TDRD7: variants seen among roughly 807,000 people sequenced by gnomAD.
The protein encoded by TDRD7 is tudor domain-containing protein 7.
A neutral mutation model predicts 109.8 loss-of-function variants in TDRD7; 47 were observed. The observed-to-expected ratio is 0.43, with a 90% CI of 0.34 to 0.55. TDRD7 has a LOEUF of 0.55. Among genes scored for constraint, TDRD7 ranks in the 20% least tolerant of loss-of-function variants. TDRD7 has a pLI of 0.03. For missense variants in TDRD7, 1,164 were observed against 1,319.2 expected, an observed-to-expected ratio of 0.88 and a Z score of 1.82; for synonymous variants, 424 against 457.3, an observed-to-expected ratio of 0.93 and a Z score of 0.93.
intron 6 of TDRD7, among the ~76,000 whole-genome samples, chr9:97,451,706 GT>G (rs1399261513): frequency 6.6e-6 from 1 of 152,254 alleles, no homozygotes; most frequent in Admixed American, 6.5e-5. Context: ...GTGGTCAGAA[GT>G]TCCAGAGCCG....
intron 14 of TDRD7, 149 bp downstream of exon 14, chr9:97,481,087 G>C: frequency 1.4e-6 from 1 of 717,626 alleles, no homozygotes; most frequent in South Asian, 1.5e-5. Context: ...TTGGCTACAT[G>C]TGTAGCTGTA....
chr9:97,487,153 T>C lies in TDRD7; in HGVS notation c.2916-19T>C, dbSNP rs199887323. 138 of 1,613,772 alleles carry C rather than the reference T, an allele frequency of 8.6e-5. 1 individual carries two copies. The African/African-American group carries it at 1.7e-3, about 20-fold the overall frequency. ...AGTTTATGTGTTTTCTCTTCCTTTT[T>C]AATTTAATGTACATCTAGGTGGCAC... is the stretch of plus-strand genomic sequence containing the variant. On this transcript the variant is annotated intron_variant, in intron 15 of 16. Transcript: ENST00000355295.
chr9:97,441,705 T>C lies in TDRD7; in HGVS notation c.685T>C (p.Ser229Pro), dbSNP rs1027320837. Residue 229 changes from serine (S) to proline (P), a missense_variant, in exon 6 of 17, where the codon TCT (serine) becomes CCT (proline). Coordinates refer to ENST00000355295, the MANE Select transcript of TDRD7 (RefSeq NM_014290.3). ...AAAACCCAATGTCAAGCCTCCTGCCTCTTACACTTATAAAATGGATGAGGT... is the reference window on the plus strand; with the variant it reads ...AAAACCCAATGTCAAGCCTCCTGCCCCTTACACTTATAAAATGGATGAGGT... ...VEKPNVKPPA[S>P]YTYKMDEVQN... is the part of the protein sequence containing the mutation. 1.1e-5 allele frequency: 18 copies of C among 1,613,286 alleles called. No homozygotes were observed. Among genetic ancestry groups the C allele is most frequent in the Non-Finnish European group, 1.5e-5 (18 of 1,179,892 alleles).
Position 97,455,627 on chromosome 9 carries a change from C to T in TDRD7, c.856-4551C>T, listed in dbSNP as rs183473903. On this transcript the variant is annotated intron_variant, in intron 6 of 16. Coordinates refer to ENST00000355295, the MANE Select transcript of TDRD7 (RefSeq NM_014290.3). Reference sequence around the variant, plus strand: ...AGGCCTTTGATAAAATTCAGTATCCCTCCATGTTAAAAACTCTGAATAAAC... The same window carrying T: ...AGGCCTTTGATAAAATTCAGTATCCTTCCATGTTAAAAACTCTGAATAAAC... Among the ~76,000 whole-genome samples the T allele has an allele frequency of 8.3e-4, 127 of 152,332 alleles. 1 individual carries two copies. Among genetic ancestry groups the T allele is most frequent in the Admixed American group, 5.2e-3 (80 of 15,304 alleles).
intron 5 of TDRD7, among the ~76,000 whole-genome samples, chr9:97,441,022 G>A (rs1385861890): frequency 6.6e-6 from 1 of 152,056 alleles, no homozygotes; most frequent in Non-Finnish European, 1.5e-5. Flanking sequence ...ATTGATATTG[G>A]GGAAATAAAA....
At chr9:97,426,816 A>G (rs944546869) in intron 1 of TDRD7, among the ~76,000 whole-genome samples, 4 of 152,232 alleles carry the variant, frequency 2.6e-5, no homozygotes, top group African/African-American at 9.6e-5. Flanking sequence ...ATAGCAGGAC[A>G]AACAGGCTGA....
Position 97,412,272 on chromosome 9 carries a change from A to C in TDRD7, c.-7+34A>C, listed in dbSNP as rs1827728452. On this transcript the variant is annotated intron_variant, in intron 1 of 16. Coordinates refer to ENST00000355295, the MANE Select transcript of TDRD7 (RefSeq NM_014290.3). This position sits in a 1 kb window ranked among gnomAD's most constrained non-coding sequence, Gnocchi z 4.3. ...AGGTCCTGCGGGCTCCGGGCGCGACAGGTGCCGGGCGACGTCGGACGAGAT... is the reference window on the plus strand; with the variant it reads ...AGGTCCTGCGGGCTCCGGGCGCGACCGGTGCCGGGCGACGTCGGACGAGAT... 6.6e-6 allele frequency: 1 copy of C among 152,300 alleles called. No individual in the cohort carries two copies. The highest frequency in any genetic ancestry group is 6.5e-5 in the Admixed American group (1 of 15,272). 9.4% of individuals were successfully genotyped at this position (152,300 alleles called of 1,614,324 possible).
chr9:97,439,222 T>C (rs746834103), intron 4 of TDRD7, 23 bp from the exon 5 acceptor site: 2 of 432,748 alleles, frequency 4.6e-6, no homozygotes, highest in Non-Finnish European at 6.8e-6. Context: ...TTTATTTTAC[T>C]TTTTTTTTTT....
chr9:97,441,925 T>C (rs1271009664), intron 6 of TDRD7, 50 bp downstream of exon 6: 1 of 1,461,132 alleles, frequency 6.8e-7, no homozygotes, highest in African/African-American at 1.4e-5. Flanking sequence ...CTGCCCAACT[T>C]TGAGATCTTG....
intron 6 of TDRD7, among the ~76,000 whole-genome samples, chr9:97,445,080 C>G (rs1289032616): frequency 6.6e-6 from 1 of 152,216 alleles, no homozygotes; most frequent in African/African-American, 2.4e-5. Context: ...AATGAGCCAG[C>G]TCCAAGGTAT....
At chr9:97,446,234 AATATCTGTCTCCCATG>A in intron 6 of TDRD7, among the ~76,000 whole-genome samples, 1 of 152,172 alleles carries the variant, frequency 6.6e-6, no homozygotes, top group Non-Finnish European at 1.5e-5. Flanking sequence ...CATTAGCCAG[AATATCTGTCTCCCATG>A]TCTTGCCTGA....
chr9:97,488,560 G>GTTTTTTTTT (rs61689126), intron 16 of TDRD7, among the ~76,000 whole-genome samples: 5 of 140,594 alleles, frequency 3.6e-5, no homozygotes, highest in Non-Finnish European at 6.1e-5. Flanking sequence ...AGATTTAATG[G>GTTTTTTTTT]TTTTTTTTTT....
chr9:97,448,772 T>C lies in TDRD7; in HGVS notation c.855+6897T>C, dbSNP rs10982140. Among the ~76,000 whole-genome samples the C allele has an allele frequency of 7.8e-3, 1,190 of 152,282 alleles. 41 individuals carry two copies. The highest frequency in any genetic ancestry group is 0.057 in the Admixed American group (867 of 15,292). On this transcript the variant is annotated intron_variant, in intron 6 of 16. Coordinates refer to ENST00000355295, the MANE Select transcript of TDRD7 (RefSeq NM_014290.3). ...ACCATATAAAATGAAATTTAGAACT[T>C]AATTTAAAACTTCAACAAAAATGAC...
Position 97,461,602 on chromosome 9 carries a change from G to A in TDRD7, c.1442+838G>A, listed in dbSNP as rs149259645. ...AATAACAAAAAACAGTACAGCTCCA[G>A]GCACCTGTCTTGGACTTTTGGAGAA... On this transcript the variant is annotated intron_variant, in intron 7 of 16. Transcript: ENST00000355295. 1.9e-3 allele frequency among the ~76,000 whole-genome samples: 286 copies of A among 152,340 alleles called. 2 individuals carry two copies. Among genetic ancestry groups the A allele is most frequent in the African/African-American group, 5.7e-3 (236 of 41,576 alleles).
At chr9:97,425,265 A>ATATT (rs1483839744) in intron 1 of TDRD7, among the ~76,000 whole-genome samples, 8 of 152,198 alleles carry the variant, frequency 5.3e-5, no homozygotes, top group African/African-American at 1.9e-4. Flanking sequence ...GAAGATTTTG[A>ATATT]TATTTAGTCT....
In TDRD7 at chr9:97,480,846, G is replaced by A; in HGVS notation, c.2320G>A (p.Ala774Thr). 1.2e-6 allele frequency: 2 copies of A among 1,613,992 alleles called. No homozygotes were observed. Among genetic ancestry groups the A allele is most frequent in the Non-Finnish European group, 1.7e-6 (2 of 1,179,906 alleles). ...IPPQAIKCCL[A>T]DLPQSIGMWT... ...TTTTCAGGCCATTAAGTGCTGTTTA[G>A]CAGATCTTCCACAATCTATTGGCAT... is the stretch of plus-strand genomic sequence containing the variant. The change falls in exon 14 of 17, where the codon GCA becomes ACA. Residue 774 changes from alanine (A) to threonine (T), a missense_variant. By Grantham distance (58) the Ala-to-Thr change is moderately conservative (BLOSUM62 0). Coordinates refer to ENST00000355295, the MANE Select transcript of TDRD7 (RefSeq NM_014290.3).
intron 6 of TDRD7, among the ~76,000 whole-genome samples, chr9:97,447,277 C>G (rs1343623368): frequency 6.6e-6 from 1 of 152,124 alleles, no homozygotes; most frequent in Non-Finnish European, 1.5e-5. Flanking sequence ...CATTTCTTAG[C>G]TGTATACCTT....
rs797010223 is a variant in TDRD7 at position 97,481,030 on chromosome 9, G to A, written c.2412+92G>A. On this transcript the variant is annotated intron_variant, in intron 14 of 16. Coordinates refer to ENST00000355295, the MANE Select transcript of TDRD7 (RefSeq NM_014290.3). ...TTTTGTGAAGGAATTTTATCTCACTGTAAAATGGATGCTTCCACATCCAAC... is the reference window on the plus strand; with the variant it reads ...TTTTGTGAAGGAATTTTATCTCACTATAAAATGGATGCTTCCACATCCAAC... The A allele has an allele frequency of 4.7e-6, 5 of 1,056,636 alleles. No individual in the cohort carries two copies. The African/African-American group carries it at 7.8e-5, about 16-fold the overall frequency. 65.5% of individuals were successfully genotyped at this position (1,056,636 alleles called of 1,614,324 possible).
rs1005295060 is a variant in TDRD7, at chr9:97,475,561, T to C, written c.2166+92T>C. ...TTTTTTTAAAAAATTGAATAAATAC[T>C]CACAGACTCATCATCAGTTTATGAA... is the stretch of plus-strand genomic sequence containing the variant. On this transcript the variant is annotated intron_variant, in intron 12 of 16. Transcript: ENST00000355295. 8.0e-6 allele frequency: 7 copies of C among 870,182 alleles called. No homozygotes were observed. The Admixed American group carries it at 1.4e-4, about 17-fold the overall frequency. The allele number at this position is 870,182 out of a possible 1,614,324, so 53.9% of individuals were successfully genotyped here.
Sources: allele counts gnomAD v4.1 joint callset (sites outside exome capture counted in the v4.1 genomes callset), GRCh38; gene constraint gnomAD v4.1.1; non-coding constraint Gnocchi (gnomAD v3.1); transcripts MANE v1.5; gene names NCBI Gene and HGNC (gene_info 2026-07-23, HGNC 2026-07-21).